Variants in SOX6 observed in about 807,000 individuals in gnomAD.
SOX6 encodes SRY-box transcription factor 6, also known as transcription factor SOX-6.
Under a neutral mutation model 97.8 loss-of-function variants are expected in SOX6, and 11 were observed. That is an observed-to-expected ratio of 0.11 (90% CI 0.07 to 0.19). The LOEUF is 0.19. Among genes scored for constraint, SOX6 ranks in the 10% least tolerant of loss-of-function variants. The pLI is 1.00. For synonymous variants in SOX6, 360 were observed against 371.4 expected (o/e 0.97, Z 0.35); for missense variants, 810 against 1,039.5 (o/e 0.78, Z 3.04).
intron 1 of SOX6, among the ~76,000 whole-genome samples, chr11:16,470,490 T>C (rs1485939125): frequency 1.3e-5 from 2 of 152,100 alleles, no homozygotes; most frequent in African/African-American, 2.4e-5. Context: ...AGCTGAAGCA[T>C]GACATGTGGC....
intron 3 of SOX6, among the ~76,000 whole-genome samples, chr11:16,265,187 C>T (rs193053134): frequency 2.0e-5 from 3 of 151,964 alleles, no homozygotes; most frequent in South Asian, 2.1e-4. Flanking sequence ...CTGAGTACGA[C>T]GGCCAGATGC....
rs151284799 is a variant in SOX6, at chr11:16,660,069, A to G, written n.430-47809T>C. ...TTTTATTAATCTTTTCAAAGAGCCAACTTTGGTTTCATTGATTTTCTCTAC... is the reference window on the plus strand; with the variant it reads ...TTTTATTAATCTTTTCAAAGAGCCAGCTTTGGTTTCATTGATTTTCTCTAC... On this transcript the variant is annotated intron_variant and non_coding_transcript_variant, in intron 3 of 5. Transcript: ENST00000524520. Among the ~76,000 whole-genome samples, 27 of 152,110 alleles carry G rather than the reference A, an allele frequency of 1.8e-4. No individual in the cohort carries two copies. In the East Asian group the frequency reaches 4.8e-3, roughly 27 times the overall value.
chr11:16,712,946 A>T (rs1362846443), intron 3 of SOX6, among the ~76,000 whole-genome samples: 1 of 152,184 alleles, frequency 6.6e-6, no homozygotes. Flanking sequence ...GATTCCAAAC[A>T]AATATTCTCT....
chr11:16,109,377 C>A (rs1267732391), intron 7 of SOX6, among the ~76,000 whole-genome samples: 1 of 151,866 alleles, frequency 6.6e-6, no homozygotes, highest in Non-Finnish European at 1.5e-5. Context: ...ACTTTTTAAT[C>A]TTTTTAGAGA....
intron 3 of SOX6, among the ~76,000 whole-genome samples, chr11:16,679,924 C>G (rs930155544): frequency 1.3e-5 from 2 of 152,036 alleles, no homozygotes; most frequent in African/African-American, 4.8e-5. Flanking sequence ...AGAATGAAAA[C>G]AAATGAACAA....
At chr11:16,367,446 AT>A (rs1279425185) in intron 1 of SOX6, among the ~76,000 whole-genome samples, 5 of 152,190 alleles carry the variant, frequency 3.3e-5, no homozygotes, top group African/African-American at 1.2e-4. Context: ...GGCCCAAGTC[AT>A]TCACAAAGTT....
At chr11:16,121,191 A>G (rs987509478) in intron 6 of SOX6, among the ~76,000 whole-genome samples, 2 of 152,058 alleles carry the variant, frequency 1.3e-5, no homozygotes, top group Non-Finnish European at 2.9e-5. Flanking sequence ...ATTCATTTGT[A>G]CATGTTCTAT....
intron 4 of SOX6, among the ~76,000 whole-genome samples, chr11:16,487,671 G>A (rs889582170): frequency 1.3e-5 from 2 of 152,094 alleles, no homozygotes; most frequent in Non-Finnish European, 2.9e-5. Flanking sequence ...TAGAGCAGAC[G>A]TATAGAAAAA....
intron 15 of SOX6, among the ~76,000 whole-genome samples, chr11:15,980,707 A>G (rs1853629375): frequency 1.3e-5 from 2 of 152,024 alleles, no homozygotes. Context: ...TCTACTTCCC[A>G]TAAGTCTGAC....
intron 12 of SOX6, among the ~76,000 whole-genome samples, chr11:16,022,886 T>C (rs557912664): frequency 6.6e-6 from 1 of 152,300 alleles, no homozygotes; most frequent in South Asian, 2.1e-4. Flanking sequence ...CTTTTTATGA[T>C]CTGGCTCCTG....
intron 4 of SOX6, among the ~76,000 whole-genome samples, chr11:16,187,336 T>C (rs1851506706): frequency 6.6e-6 from 1 of 152,158 alleles, no homozygotes; most frequent in Admixed American, 6.5e-5. Flanking sequence ...TAATCACCTC[T>C]AAGCTCAGTG....
intron 1 of SOX6, among the ~76,000 whole-genome samples, chr11:16,345,578 C>A (rs1856754831): frequency 6.6e-6 from 1 of 152,034 alleles, no homozygotes; most frequent in Non-Finnish European, 1.5e-5. Flanking sequence ...GTTTGGCCTA[C>A]TACAAACTTA....
Position 15,967,449 on chromosome 11 carries a change from TACA to T in SOX6, c.*5357_*5359del, listed in dbSNP as rs1404154279. The T allele has an allele frequency of 6.6e-6, 1 of 152,166 alleles. No homozygotes were observed. The highest frequency in any genetic ancestry group is 1.5e-5 in the Non-Finnish European group (1 of 68,030). 9.4% of individuals were successfully genotyped at this position (152,166 alleles called of 1,614,324 possible). On this transcript the variant is annotated 3_prime_UTR_variant, in exon 16 of 16. Transcript: ENST00000683767. ...TTCACAATATACATCACAAACAAAT[TACA>T]ACGTCGGGGGAAATAAAAGAGTTAC... is the stretch of plus-strand genomic sequence containing the variant.
At chr11:16,379,837 A>G (rs948236705) in intron 1 of SOX6, among the ~76,000 whole-genome samples, 3 of 152,258 alleles carry the variant, frequency 2.0e-5, no homozygotes, top group Non-Finnish European at 4.4e-5. Flanking sequence ...ATCAAAAACA[A>G]CCTTACCTAT....
intron 3 of SOX6, among the ~76,000 whole-genome samples, chr11:16,301,924 A>G (rs1217694544): frequency 3.3e-5 from 5 of 152,132 alleles, no homozygotes; most frequent in Non-Finnish European, 7.4e-5. Flanking sequence ...ATCTAAATGC[A>G]AACCTTTTCC....
chr11:16,626,815 A>T (rs1490440531), intron 3 of SOX6, among the ~76,000 whole-genome samples: 2 of 152,096 alleles, frequency 1.3e-5, no homozygotes, highest in Non-Finnish European at 2.9e-5. Context: ...AGTATTTTTT[A>T]AATTTATTTT....
intron 2 of SOX6, among the ~76,000 whole-genome samples, chr11:16,326,294 ATCC>A (rs1288223793): frequency 6.6e-6 from 1 of 152,062 alleles, no homozygotes; most frequent in Non-Finnish European, 1.5e-5. Context: ...ACCCTTCATC[ATCC>A]TCCTCTGATG....
At chr11:16,666,988 G>A (rs1847811798) in intron 3 of SOX6, among the ~76,000 whole-genome samples, 1 of 151,682 alleles carries the variant, frequency 6.6e-6, no homozygotes, top group South Asian at 2.1e-4. Context: ...TATAATCCCA[G>A]CACATTGGGA....
chr11:16,029,311 G>T (rs1200142685), intron 12 of SOX6, among the ~76,000 whole-genome samples: 1 of 152,200 alleles, frequency 6.6e-6, no homozygotes, highest in Non-Finnish European at 1.5e-5. Flanking sequence ...AGCAGGATGT[G>T]AGACCGAGAG....
Sources: allele counts gnomAD v4.1 joint callset (sites outside exome capture counted in the v4.1 genomes callset), GRCh38; gene constraint gnomAD v4.1.1; transcripts MANE v1.5; gene names NCBI Gene and HGNC (gene_info 2026-07-23, HGNC 2026-07-21).